The following MME variants were observed in gnomAD, a reference collection of about 807,000 sequenced individuals.
The protein encoded by MME is membrane metalloendopeptidase, also known as neprilysin.
MME carries 98 observed loss-of-function variants against 113.2 expected under a neutral mutation model. The ratio of observed to expected loss-of-function variants is 0.87; its 90% CI spans 0.74 to 1.02. The LOEUF (loss-of-function observed/expected upper bound fraction) is 1.02. MME is among the 50% of genes least tolerant of loss of function. The pLI is 0.00. For synonymous variants in MME, 292 were observed against 300.6 expected (o/e 0.97, Z 0.30); for missense variants, 836 against 896.0 (o/e 0.93, Z 0.86).
intron 22 of MME, among the ~76,000 whole-genome samples, chr3:155,173,200 C>T (rs192551000): frequency 3.2e-4 from 48 of 151,676 alleles, no homozygotes; most frequent in Non-Finnish European, 6.5e-4. Context: ...TCACTCCAAC[C>T]AACATTTGAA....
intron 9 of MME, among the ~76,000 whole-genome samples, chr3:155,139,784 C>CCTTG (rs1720917616): frequency 6.6e-6 from 1 of 152,030 alleles, no homozygotes; most frequent in Non-Finnish European, 1.5e-5. Context: ...AACTAGGACA[C>CCTTG]CGAATGGTAA....
chr3:155,043,959 T>A (rs1713452001), intron 1 of MME, among the ~76,000 whole-genome samples: 1 of 152,138 alleles, frequency 6.6e-6, no homozygotes, highest in African/African-American at 2.4e-5. Context: ...TTAGCATTAA[T>A]TGCTAGCTTT....
At chr3:155,132,507 A>T (rs1720218098) in intron 8 of MME, among the ~76,000 whole-genome samples, 1 of 152,164 alleles carries the variant, frequency 6.6e-6, no homozygotes. Context: ...CTTTGAAACT[A>T]CTGTTACGAG....
intron 1 of MME, among the ~76,000 whole-genome samples, chr3:155,069,070 G>A (rs553483535): frequency 6.6e-6 from 1 of 152,264 alleles, no homozygotes; most frequent in East Asian, 1.9e-4. Flanking sequence ...TTTCACGAGA[G>A]CATGGGTTTG....
intron 16 of MME, among the ~76,000 whole-genome samples, chr3:155,156,533 C>T (rs998603633): frequency 6.6e-6 from 1 of 152,016 alleles, no homozygotes; most frequent in African/African-American, 2.4e-5. Flanking sequence ...AGTTATATAA[C>T]GTAGTTTGTA....
chr3:155,133,701 AG>A, intron 8 of MME, among the ~76,000 whole-genome samples: 1 of 136,576 alleles, frequency 7.3e-6, no homozygotes, highest in South Asian at 2.3e-4. Flanking sequence ...ATACATATAT[AG>A]TGTGTGTATA....
chr3:155,116,455 A>T (rs200444530), intron 4 of MME, 24 bp from the exon 5 acceptor site: 4 of 1,520,298 alleles, frequency 2.6e-6, no homozygotes, highest in Non-Finnish European at 3.7e-6. Context: ...ATGTTGATGC[A>T]TTTTATTAAA....
At chr3:155,125,779 A>G (rs1719603171) in intron 8 of MME, among the ~76,000 whole-genome samples, 1 of 151,986 alleles carries the variant, frequency 6.6e-6, no homozygotes, top group African/African-American at 2.4e-5. Flanking sequence ...TCTTACAGAA[A>G]GTAAGGAACA....
chr3:155,054,859 G>A (rs1713874759), intron 1 of MME, among the ~76,000 whole-genome samples: 1 of 152,098 alleles, frequency 6.6e-6, no homozygotes, highest in Admixed American at 6.5e-5. Context: ...AAAGGCTAAA[G>A]ACTTCAGTGA....
chr3:155,132,870 G>A (rs531951910), intron 8 of MME, among the ~76,000 whole-genome samples: 9 of 150,830 alleles, frequency 6.0e-5, no homozygotes, highest in African/African-American at 4.9e-5. Flanking sequence ...CCTGACCAAC[G>A]TAGTGAAACC....
intron 3 of MME, among the ~76,000 whole-genome samples, chr3:155,098,383 A>G (rs1290636031): frequency 6.6e-6 from 1 of 152,042 alleles, no homozygotes; most frequent in African/African-American, 2.4e-5. Context: ...GTGAAACCCC[A>G]TCTCTACTAA....
At chr3:155,077,515 T>C (rs191055076), upstream of MME, among the ~76,000 whole-genome samples, 68 of 152,250 alleles carry the variant, frequency 4.5e-4, no homozygotes, top group Admixed American at 1.6e-3. Context: ...TGGGAGGAGA[T>C]TTAGCATTCT....
intron 1 of MME, among the ~76,000 whole-genome samples, chr3:155,057,564 G>C (rs141704237): frequency 6.6e-6 from 1 of 152,050 alleles, no homozygotes; most frequent in East Asian, 1.9e-4. Flanking sequence ...TACTCAGCTT[G>C]TCCCACTGTA....
At chr3:155,029,295 T>C (rs1286038997) in intron 1 of MME, among the ~76,000 whole-genome samples, 1 of 152,120 alleles carries the variant, frequency 6.6e-6, no homozygotes, top group Admixed American at 6.5e-5. Context: ...TTTGACCATA[T>C]AAGAGTTTCA....
intron 16 of MME, among the ~76,000 whole-genome samples, chr3:155,152,128 C>G (rs1342713726): frequency 6.6e-6 from 1 of 152,186 alleles, no homozygotes; most frequent in Non-Finnish European, 1.5e-5. Flanking sequence ...TCACCCTACA[C>G]CTCACCATTG....
intron 8 of MME, among the ~76,000 whole-genome samples, chr3:155,128,319 A>T (rs932217916): frequency 6.6e-6 from 1 of 151,962 alleles, no homozygotes; most frequent in Non-Finnish European, 1.5e-5. Context: ...AATCCCTACC[A>T]CCTGCAATCC....
rs144580013 is a variant in MME, at chr3:155,045,362, A to G, written c.-11+21038A>G. 2.8e-3 allele frequency among the ~76,000 whole-genome samples: 430 copies of G among 151,956 alleles called. 3 individuals carry two copies. Among genetic ancestry groups the G allele is most frequent in the African/African-American group, 1.0e-2 (413 of 41,468 alleles). ...ACAGGGTTTCTCCATGTTGGCCGGGATGGTCTCCATCTCCTGACCTCATGA... is the reference window on the plus strand; with the variant it reads ...ACAGGGTTTCTCCATGTTGGCCGGGGTGGTCTCCATCTCCTGACCTCATGA... On this transcript the variant is annotated intron_variant, in intron 1 of 22. Coordinates refer to the MME transcript ENST00000492661.
intron 3 of MME, among the ~76,000 whole-genome samples, chr3:155,098,560 A>G (rs1716941582): frequency 6.6e-6 from 1 of 151,922 alleles, no homozygotes; most frequent in Admixed American, 6.6e-5. Flanking sequence ...TGTCTCAAAA[A>G]AAAAAAAGAG....
At chr3:155,084,682 A>G (rs1273516458) in intron 2 of MME, among the ~76,000 whole-genome samples, 4 of 152,186 alleles carry the variant, frequency 2.6e-5, no homozygotes, top group Non-Finnish European at 5.9e-5. Flanking sequence ...ACGGCTTCAC[A>G]GGAATTTAAC....
Sources: allele counts gnomAD v4.1 joint callset (sites outside exome capture counted in the v4.1 genomes callset), GRCh38; gene constraint gnomAD v4.1.1; transcripts MANE v1.5; gene names NCBI Gene and HGNC (gene_info 2026-07-23, HGNC 2026-07-21).